Variants in PTPRN2 observed in about 807,000 individuals in gnomAD.
PTPRN2 encodes the protein receptor-type tyrosine-protein phosphatase N2.
Under a neutral mutation model 118.8 loss-of-function variants are expected in PTPRN2, and 74 were observed. The observed-to-expected ratio is 0.62, with a 90% confidence interval of 0.52 to 0.76. The LOEUF (loss-of-function observed/expected upper bound fraction) is 0.76. PTPRN2 is among the 30% of genes least tolerant of loss of function. The pLI is 0.00. For synonymous variants in PTPRN2, 641 were observed against 608.0 expected, an observed-to-expected ratio of 1.05 and a Z score of -0.80; for missense variants, 1,481 against 1,394.4, an observed-to-expected ratio of 1.06 and a Z score of -0.99.
At chr7:158,149,761 G>T (rs1322937302) in intron 6 of PTPRN2, among the ~76,000 whole-genome samples, 4 of 149,766 alleles carry the variant, frequency 2.7e-5, no homozygotes, top group East Asian at 2.0e-4. Flanking sequence ...CTGAGATTGT[G>T]CCATTGCACT....
intron 14 of PTPRN2, among the ~76,000 whole-genome samples, chr7:157,641,546 T>C (rs1048056319): frequency 2.0e-5 from 3 of 152,200 alleles, no homozygotes; most frequent in African/African-American, 4.8e-5. Flanking sequence ...ACCAGCCATA[T>C]TTTGTGGAAG....
rs968462583 is a variant in PTPRN2 at position 157,801,014 on chromosome 7, T to C, written c.1788+97659A>G. On this transcript the variant is annotated intron_variant, in intron 12 of 22. Transcript: ENST00000389418. This position sits in a 1 kb window ranked among gnomAD's most constrained non-coding sequence, Gnocchi z 4.2. Reference sequence around the variant, plus strand: ...ACATATATATACACACATATACATATACACACACATATATATACACATATA... The same window carrying C: ...ACATATATATACACACATATACATACACACACACATATATATACACATATA... Among the ~76,000 whole-genome samples the C allele has an allele frequency of 2.0e-5, 3 of 150,372 alleles. No homozygotes were observed. The highest frequency in any genetic ancestry group is 7.4e-5 in the African/African-American group (3 of 40,798).
At chr7:158,542,344 G>A (rs1239872735) in intron 1 of PTPRN2, among the ~76,000 whole-genome samples, 1 of 152,216 alleles carries the variant, frequency 6.6e-6, no homozygotes, top group East Asian at 1.9e-4. Flanking sequence ...GTAGAGTTGG[G>A]GTTTCACCAT....
chr7:158,170,992 CACAT>C (rs1403332249), intron 5 of PTPRN2, among the ~76,000 whole-genome samples: 1 of 146,426 alleles, frequency 6.8e-6, no homozygotes, highest in East Asian at 2.0e-4. Flanking sequence ...TATATATATA[CACAT>C]ACATATATAT....
intron 9 of PTPRN2, among the ~76,000 whole-genome samples, chr7:158,116,108 A>G (rs915047168): frequency 8.5e-5 from 13 of 152,234 alleles, no homozygotes; most frequent in Non-Finnish European, 2.9e-5. Flanking sequence ...CATGGACACA[A>G]GTACTCATTC....
At chr7:157,907,243 G>A (rs1015831152) in intron 11 of PTPRN2, among the ~76,000 whole-genome samples, 1 of 152,208 alleles carries the variant, frequency 6.6e-6, no homozygotes, top group African/African-American at 2.4e-5. Flanking sequence ...GCTCTGTGCG[G>A]CCACTGGCCA....
chr7:157,920,507 T>G (rs749403072), intron 11 of PTPRN2, among the ~76,000 whole-genome samples: 4 of 152,186 alleles, frequency 2.6e-5, no homozygotes, highest in Non-Finnish European at 4.4e-5. Context: ...CCTGCCTGCT[T>G]CTTCTTTTGA....
intron 2 of PTPRN2, among the ~76,000 whole-genome samples, chr7:158,484,945 T>C (rs1351133811): frequency 1.3e-5 from 2 of 152,070 alleles, no homozygotes; most frequent in Non-Finnish European, 2.9e-5. Context: ...AGGAGGAGCC[T>C]CCCCACCATC....
At chr7:157,873,844 G>A (rs537884062) in intron 12 of PTPRN2, among the ~76,000 whole-genome samples, 2 of 152,294 alleles carry the variant, frequency 1.3e-5, no homozygotes, top group African/African-American at 4.8e-5. Flanking sequence ...GAGAGAAGAG[G>A]AGGTGGAAAG....
In PTPRN2 at chr7:157,979,631, C is replaced by A. The variant is rs748160399; in HGVS notation, c.1724-80894G>T. On this transcript the variant is annotated intron_variant, in intron 11 of 22. Coordinates refer to ENST00000389418, the MANE Select transcript of PTPRN2 (RefSeq NM_002847.5). Reference sequence around the variant, plus strand: ...CACTACACAGAAGAGCCATGCAGCCCGGCTCCAGAGCGACGCTGCCTCCGG... The same window carrying A: ...CACTACACAGAAGAGCCATGCAGCCAGGCTCCAGAGCGACGCTGCCTCCGG... 2.6e-5 allele frequency among the ~76,000 whole-genome samples: 4 copies of A among 152,150 alleles called. No homozygotes were observed. In the South Asian group the frequency reaches 6.3e-4, roughly 24 times the overall value.
intron 11 of PTPRN2, among the ~76,000 whole-genome samples, chr7:158,048,222 C>A (rs1422594427): frequency 6.6e-6 from 1 of 151,988 alleles, no homozygotes; most frequent in Non-Finnish European, 1.5e-5. Flanking sequence ...GGAAATGGTG[C>A]CTTTTCATCT....
intron 15 of PTPRN2, among the ~76,000 whole-genome samples, chr7:157,605,324 C>T (rs1801939600): frequency 6.6e-6 from 1 of 152,258 alleles, no homozygotes; most frequent in Non-Finnish European, 1.5e-5. Context: ...ATGGTTGACA[C>T]TGAGGAACAT....
chr7:158,363,433 C>A (rs761451132), intron 2 of PTPRN2, among the ~76,000 whole-genome samples: 1 of 152,170 alleles, frequency 6.6e-6, no homozygotes, highest in Non-Finnish European at 1.5e-5. Context: ...ACAAAACATA[C>A]AAGTGAAACT....
At chr7:157,968,455 T>G (rs1397731246) in intron 11 of PTPRN2, among the ~76,000 whole-genome samples, 3 of 152,126 alleles carry the variant, frequency 2.0e-5, no homozygotes. Flanking sequence ...CAAAGTGAGT[T>G]GTGAAAACTT....
At chr7:158,328,538 G>A (rs578133423) in intron 2 of PTPRN2, among the ~76,000 whole-genome samples, 3 of 152,204 alleles carry the variant, frequency 2.0e-5, no homozygotes, top group Non-Finnish European at 4.4e-5. Flanking sequence ...GGCTCTGACT[G>A]GGGAGGAGCC....
chr7:157,649,988 T>C (rs1160224171), intron 14 of PTPRN2, among the ~76,000 whole-genome samples: 1 of 151,676 alleles, frequency 6.6e-6, no homozygotes, highest in Non-Finnish European at 1.5e-5. Flanking sequence ...CTGAACTCGG[T>C]GGGTCGGACC....
chr7:157,922,743 G>A (rs1008913705), intron 11 of PTPRN2, among the ~76,000 whole-genome samples: 7 of 152,276 alleles, frequency 4.6e-5, no homozygotes, highest in African/African-American at 1.2e-4. Flanking sequence ...TCGATGTCAC[G>A]GCACGCTGCG....
Position 157,603,965 on chromosome 7 carries a change from G to C in PTPRN2, c.2418+37C>G, listed in dbSNP as rs779329229. The C allele has an allele frequency of 1.3e-5, 21 of 1,589,080 alleles. 1 individual carries two copies. The Admixed American group carries it at 3.5e-4, about 27-fold the overall frequency. On this transcript the variant is annotated intron_variant, in intron 16 of 22. Transcript: ENST00000389418. The surrounding 1 kb of genome is among the most constrained non-coding windows in gnomAD (Gnocchi z 5.4). Reference sequence around the variant, plus strand: ...ATTTGCCGCGTCCGTGCCACCCAAGGGAAAGCCTGGGGCCCCTGTCCCGGC... The same window carrying C: ...ATTTGCCGCGTCCGTGCCACCCAAGCGAAAGCCTGGGGCCCCTGTCCCGGC...
At chr7:158,542,977 C>T (rs773790089) in intron 1 of PTPRN2, among the ~76,000 whole-genome samples, 16 of 152,174 alleles carry the variant, frequency 1.1e-4, no homozygotes, top group Non-Finnish European at 1.5e-4. Context: ...ACGTCCTCAC[C>T]GCACCCCAAA....
Sources: allele counts gnomAD v4.1 joint callset (sites outside exome capture counted in the v4.1 genomes callset), GRCh38; gene constraint gnomAD v4.1.1; non-coding constraint Gnocchi (gnomAD v3.1); transcripts MANE v1.5; gene names NCBI Gene and HGNC (gene_info 2026-07-23, HGNC 2026-07-21).